Variants in CPT1C observed in about 807,000 individuals in gnomAD.
CPT1C encodes the protein palmitoyl thioesterase CPT1C.
Under a neutral mutation model 97.3 loss-of-function variants are expected in CPT1C, and 61 were observed. The observed-to-expected ratio is 0.63, with a 90% CI of 0.51 to 0.78. The LOEUF (loss-of-function observed/expected upper bound fraction) is 0.78, where lower values mean the gene tolerates loss of function less well. Among genes scored for constraint, CPT1C ranks in the 30% least tolerant of loss-of-function variants. The pLI is 0.00. For synonymous variants in CPT1C, 469 were observed against 447.2 expected, an observed-to-expected ratio of 1.05 and a Z score of -0.61; for missense variants, 975 against 1,065.5, an observed-to-expected ratio of 0.92 and a Z score of 1.18.
intron 3 of CPT1C, among the ~76,000 whole-genome samples, chr19:49,692,678 C>G (rs746892839): frequency 1.1e-4 from 16 of 152,156 alleles, no homozygotes; most frequent in Non-Finnish European, 1.8e-4. Context: ...AACTCCATAT[C>G]CTTCCCTTAT....
At chr19:49,697,489 A>G (rs1236927553) in intron 4 of CPT1C, 24 bp downstream of exon 4, 3 of 1,609,364 alleles carry the variant, frequency 1.9e-6, no homozygotes, top group Admixed American at 3.4e-5. Flanking sequence ...ACTCCAGCCC[A>G]GTAACCCCCA....
At chr19:49,703,580 C>T (rs1435847868) in intron 7 of CPT1C, among the ~76,000 whole-genome samples, 3 of 110,350 alleles carry the variant, frequency 2.7e-5, no homozygotes, top group Non-Finnish European at 5.5e-5. Context: ...TCCCTCCCTC[C>T]CTCCCTCCCT....
rs763153595 is a variant in CPT1C at position 49,705,029 on chromosome 19, C to A, written c.794C>A (p.Thr265Lys). 2 of 1,604,470 alleles carry A rather than the reference C, an allele frequency of 1.2e-6. No individual in the cohort carries two copies. Among genetic ancestry groups the A allele is most frequent in the African/African-American group, 1.3e-5 (1 of 74,824 alleles). The change falls in exon 9 of 20, where the codon ACG becomes AAG. Residue 265 changes from threonine (T) to lysine (K), a missense_variant. Physicochemically the swap from Thr to Lys is moderately conservative, Grantham distance 78. Transcript: ENST00000598293. ...CAGGACTTCCTGTATGTCACACCCA[C>A]GCCTCTGCAGGCAGCTCGCGCTGGG... ...YMMDFLYVTP[T>K]PLQAARAGNA... is the part of the protein sequence containing the mutation.
In CPT1C at chr19:49,704,724, G is replaced by A. The variant is rs1376549703; in HGVS notation, c.708G>A (p.Trp236Ter). Residue 236 changes from tryptophan to a stop codon, truncating the protein, a stop_gained, in exon 8 of 20, where the codon TGG (tryptophan) becomes TGA (stop). Coordinates refer to ENST00000598293, the MANE Select transcript of CPT1C (RefSeq NM_001199753.2). LOFTEE classifies it high-confidence loss of function. ...CCCGCTCCCAGGTCAGTGACTGGTGGGAGGAATTTGTGTACCTGCGCTCCC... is the reference window on the plus strand; with the variant it reads ...CCCGCTCCCAGGTCAGTGACTGGTGAGAGGAATTTGTGTACCTGCGCTCCC... ...WWASNYVSDW[W>*]EEFVYLRSRN... 3.7e-6 allele frequency: 6 copies of A among 1,614,046 alleles called. No individual in the cohort carries two copies. The highest frequency in any genetic ancestry group is 5.1e-6 in the Non-Finnish European group (6 of 1,179,984).
chr19:49,700,933 C>CCTCTCTCTGGGTCTCTGTCCCT (rs1317309109), intron 5 of CPT1C, 78 bp downstream of exon 5: 29 of 1,483,426 alleles, frequency 2.0e-5, no homozygotes, highest in South Asian at 5.7e-5. Flanking sequence ...TCTCTGTCCC[C>CCTCTCTCTGGGTCTCTGTCCCT]CTCTCTCTGG....
rs1398245481 is a variant in CPT1C at position 49,713,360 on chromosome 19, T to C, written c.2227-60T>C. On this transcript the variant is annotated intron_variant, in intron 19 of 19. Coordinates refer to ENST00000598293, the MANE Select transcript of CPT1C (RefSeq NM_001199753.2). ...AATCCAGGCCCTTAGCCCTCTTGTT[T>C]CTCAGCCTCCAGGATCCCATCTCCC... The C allele has an allele frequency of 2.7e-6, 4 of 1,481,552 alleles. No individual in the cohort carries two copies. The African/African-American group carries it at 5.6e-5, about 21-fold the overall frequency. 91.8% of individuals were successfully genotyped at this position (1,481,552 alleles called of 1,614,324 possible). A position where few individuals can be genotyped will look rare whatever the true frequency, so the allele number is the denominator to read the frequency against.
chr19:49,697,661 T>C (rs371154997), intron 4 of CPT1C, 196 bp downstream of exon 4: 7 of 554,632 alleles, frequency 1.3e-5, no homozygotes, highest in Admixed American at 1.1e-4. Context: ...TCCCAGCACA[T>C]TGGGCATTGG....
chr19:49,693,125 T>C (rs2082447661), intron 3 of CPT1C, among the ~76,000 whole-genome samples: 1 of 152,160 alleles, frequency 6.6e-6, no homozygotes, highest in South Asian at 2.1e-4. Flanking sequence ...TGACCTCAAG[T>C]GATCTGCCTC....
rs1568521450 is a variant in CPT1C at position 49,702,064 on chromosome 19, T to TTATTTATAAATTATAAATATA, written c.693+438_693+458dup. ...TTATTTATAAATTATAAATATATATTTATTTATAAATTATAAATATATATT... is the reference window on the plus strand; with the variant it reads ...TTATTTATAAATTATAAATATATATTTATTTATAAATTATAAATATATATTTATAAATTATAAATATATATT... On this transcript the variant is annotated intron_variant, in intron 7 of 19. Coordinates refer to ENST00000598293, the MANE Select transcript of CPT1C (RefSeq NM_001199753.2). Among the ~76,000 whole-genome samples, 13 of 96,342 alleles carry TTATTTATAAATTATAAATATA rather than the reference T, an allele frequency of 1.3e-4. 2 individuals carry two copies. The East Asian group carries it at 1.9e-3, about 14-fold the overall frequency. 63.2% of individuals were successfully genotyped at this position (96,342 alleles called of 152,430 possible). A position where few individuals can be genotyped will look rare whatever the true frequency, so the allele number is the denominator to read the frequency against.
In CPT1C at chr19:49,692,359, T is replaced by C; in HGVS notation, c.107T>C (p.Leu36Pro). ...PVLQEIYLSG[L>P]RSWKRHLSRF... is the part of the protein sequence containing the mutation. ...CTGCAGGAGATCTACCTCTCTGGCC[T>C]GCGCTCCTGGAAAAGGCATCTCTCA... Residue 36 changes from leucine to proline, a missense_variant, in exon 3 of 20, where the codon CTG (leucine) becomes CCG (proline). By Grantham distance (98) the Leu-to-Pro change is moderately conservative (BLOSUM62 -3). Coordinates refer to ENST00000598293, the MANE Select transcript of CPT1C (RefSeq NM_001199753.2). 1 of 1,614,114 alleles carries C rather than the reference T, an allele frequency of 6.2e-7. No homozygotes were observed.
At chr19:49,698,492 G>A (rs921484007) in intron 4 of CPT1C, among the ~76,000 whole-genome samples, 5 of 151,768 alleles carry the variant, frequency 3.3e-5, no homozygotes, top group African/African-American at 9.7e-5. Context: ...GTGAAACCCC[G>A]TCTCTACTAA....
At position 49,707,609 on chromosome 19, in the gene CPT1C, G is replaced by C; in HGVS notation, c.1435G>C (p.Gly479Arg). 6.2e-7 allele frequency: 1 copy of C among 1,611,692 alleles called. No individual in the cohort carries two copies. Among genetic ancestry groups the C allele is most frequent in the Non-Finnish European group, 8.5e-7 (1 of 1,178,916 alleles). The change falls in exon 13 of 20, where the codon GGA (glycine) becomes CGA (arginine). Residue 479 changes from glycine (G) to arginine (R), a missense_variant. Transcript: ENST00000598293. ...EHSWADCPIS[G>R]HMWEFTLATE... Reference sequence around the variant, plus strand: ...CTCCTGGGCCGACTGCCCCATCTCAGGACACATGTGGGAGGTAGGGCGGCC... The same window carrying C: ...CTCCTGGGCCGACTGCCCCATCTCACGACACATGTGGGAGGTAGGGCGGCC...
rs2083428860 is a variant in CPT1C at position 49,705,123 on chromosome 19, G to A, written c.879+9G>A. On this transcript the variant is annotated intron_variant, in intron 9 of 19. Coordinates refer to ENST00000598293, the MANE Select transcript of CPT1C (RefSeq NM_001199753.2). The stretch of plus-strand genomic sequence containing the variant: ...GCCAGGAGATACCCCCGGTGAGAGG[G>A]CCCCAGTGGGTTAGGGATGGAGGTG... 1 of 1,613,604 alleles carries A rather than the reference G, an allele frequency of 6.2e-7. No individual in the cohort carries two copies. The highest frequency in any genetic ancestry group is 1.3e-5 in the African/African-American group (1 of 74,900).
rs141712031 is a variant in CPT1C, at chr19:49,696,791, C to A, written c.142-535C>A. ...GGGATTACAGGTGCCTGCCACCATG[C>A]CCGGCTAATTTTTGTATTTTTACTA... is the stretch of plus-strand genomic sequence containing the variant. On this transcript the variant is annotated intron_variant, in intron 3 of 19. Transcript: ENST00000598293. Among the ~76,000 whole-genome samples the A allele has an allele frequency of 1.8e-3, 279 of 152,092 alleles. 1 individual carries two copies. The highest frequency in any genetic ancestry group is 5.9e-3 in the African/African-American group (244 of 41,498).
chr19:49,713,388 C>T, intron 19 of CPT1C, 32 bp from the exon 20 acceptor site: 1 of 1,573,434 alleles, frequency 6.4e-7, no homozygotes, highest in Non-Finnish European at 8.6e-7. Context: ...CATCTCCCAG[C>T]TTCCCCTGGC....
At chr19:49,703,976 G>A (rs1336527317) in intron 7 of CPT1C, among the ~76,000 whole-genome samples, 1 of 151,778 alleles carries the variant, frequency 6.6e-6, no homozygotes, top group African/African-American at 2.4e-5. Flanking sequence ...AGTGACACAC[G>A]CACCATTTTT....
In CPT1C at chr19:49,705,129, G is replaced by C; in HGVS notation, c.879+15G>C. ...AGATACCCCCGGTGAGAGGGCCCCAGTGGGTTAGGGATGGAGGTGTGGTCC... is the reference window on the plus strand; with the variant it reads ...AGATACCCCCGGTGAGAGGGCCCCACTGGGTTAGGGATGGAGGTGTGGTCC... On this transcript the variant is annotated intron_variant, in intron 9 of 19. Coordinates refer to ENST00000598293, the MANE Select transcript of CPT1C (RefSeq NM_001199753.2). 6.2e-7 allele frequency: 1 copy of C among 1,613,830 alleles called. No homozygotes were observed. The highest frequency in any genetic ancestry group is 8.5e-7 in the Non-Finnish European group (1 of 1,179,684).
intron 7 of CPT1C, among the ~76,000 whole-genome samples, chr19:49,703,595 C>T (rs12974810): frequency 7.0e-3 from 533 of 75,658 alleles, no homozygotes; most frequent in Non-Finnish European, 8.6e-3. Context: ...CTCCCTCCCT[C>T]CCTTCCTTCC....
Position 49,702,000 on chromosome 19 carries a change from T to TAA in CPT1C, c.693+367_693+368insAA, listed in dbSNP as rs1568520743. ...TAAATAAATATATAAATATTATAAA[T>TAA]ATATTAAATATATTTATTTATAAAT... On this transcript the variant is annotated intron_variant, in intron 7 of 19. Transcript: ENST00000598293. 1.5e-3 allele frequency among the ~76,000 whole-genome samples: 37 copies of TAA among 24,358 alleles called. 1 individual carries two copies. Among genetic ancestry groups the TAA allele is most frequent in the African/African-American group, 3.8e-3 (37 of 9,640 alleles). 16.0% of individuals were successfully genotyped at this position (24,358 alleles called of 152,430 possible).
Sources: gnomAD v4.1 joint callset for allele counts (sites outside exome capture counted in the v4.1 genomes callset) on GRCh38, gnomAD v4.1.1 for gene constraint, MANE v1.5 for transcripts, NCBI Gene and HGNC (gene_info 2026-07-23, HGNC 2026-07-21) for gene names.